Variants in IPCEF1 observed in about 807,000 individuals in gnomAD.
The protein encoded by IPCEF1 is interactor protein for cytohesin exchange factors 1.
Under a neutral mutation model 50.9 loss-of-function variants are expected in IPCEF1, and 31 were observed. The ratio of observed to expected loss-of-function variants is 0.61; its 90% CI spans 0.46 to 0.82. IPCEF1 has a LOEUF of 0.82. Ranked by LOEUF, IPCEF1 falls within the 40% of genes least tolerant of loss-of-function variation. The pLI is 0.00. For synonymous variants in IPCEF1, 181 were observed against 192.0 expected (o/e 0.94, Z 0.47); for missense variants, 458 against 514.0 (o/e 0.89, Z 1.05).
At chr6:154,245,794 C>T (rs944178261) in intron 5 of IPCEF1, among the ~76,000 whole-genome samples, 23 of 152,168 alleles carry the variant, frequency 1.5e-4, no homozygotes, top group Admixed American at 1.3e-3. Context: ...GAGCATTCCT[C>T]CTTGGAAACG....
chr6:154,313,340 A>G (rs1783132521), intron 1 of IPCEF1, among the ~76,000 whole-genome samples: 2 of 151,576 alleles, frequency 1.3e-5, no homozygotes, highest in Admixed American at 1.3e-4. Flanking sequence ...GCGCCACTCC[A>G]CTCCATCTTG....
At chr6:154,201,535 G>A (rs899216050) in intron 9 of IPCEF1, among the ~76,000 whole-genome samples, 1 of 152,166 alleles carries the variant, frequency 6.6e-6, no homozygotes, top group Non-Finnish European at 1.5e-5. Flanking sequence ...AGGTAGAGAA[G>A]GCATTTTATG....
intron 7 of IPCEF1, among the ~76,000 whole-genome samples, chr6:154,218,235 A>G (rs1419482477): frequency 6.6e-6 from 1 of 152,136 alleles, no homozygotes; most frequent in Non-Finnish European, 1.5e-5. Context: ...TGTGTGTTGG[A>G]GGAGAACAAG....
At chr6:154,171,070 T>C (rs1298727698) in intron 10 of IPCEF1, among the ~76,000 whole-genome samples, 1 of 152,130 alleles carries the variant, frequency 6.6e-6, no homozygotes, top group African/African-American at 2.4e-5. Context: ...AGTTTGTCCA[T>C]TTCTCATGGA....
At chr6:154,187,846 A>G (rs994521076) in intron 10 of IPCEF1, among the ~76,000 whole-genome samples, 2 of 152,218 alleles carry the variant, frequency 1.3e-5, no homozygotes, top group African/African-American at 4.8e-5. Flanking sequence ...CTTCTTCCAT[A>G]AAACAGAGGT....
At chr6:154,205,662 C>A (rs1777433456) in intron 9 of IPCEF1, among the ~76,000 whole-genome samples, 1 of 152,084 alleles carries the variant, frequency 6.6e-6, no homozygotes, top group Non-Finnish European at 1.5e-5. Context: ...AATTAGTTAC[C>A]TAACTAGTTA....
intron 5 of IPCEF1, among the ~76,000 whole-genome samples, chr6:154,243,279 C>G (rs922916868): frequency 6.6e-6 from 1 of 152,146 alleles, no homozygotes. Context: ...GATTTTAAAT[C>G]CAAGATTTTA....
chr6:154,194,315 C>A (rs933214160), intron 10 of IPCEF1, among the ~76,000 whole-genome samples: 1 of 152,214 alleles, frequency 6.6e-6, no homozygotes, highest in African/African-American at 2.4e-5. Context: ...AGGAGAATCA[C>A]TTGAACGCAG....
At chr6:154,344,175 A>G (rs1783979371) in intron 1 of IPCEF1, among the ~76,000 whole-genome samples, 1 of 151,974 alleles carries the variant, frequency 6.6e-6, no homozygotes. Context: ...TGTACAGGGG[A>G]ACTGCTTCTT....
chr6:154,246,534 C>A (rs1562564882), intron 5 of IPCEF1, 57 bp downstream of exon 5: 4 of 1,533,552 alleles, frequency 2.6e-6, no homozygotes, highest in Non-Finnish European at 3.5e-6. Flanking sequence ...TCACCTGATG[C>A]CTTTAACGTA....
intron 2 of IPCEF1, among the ~76,000 whole-genome samples, chr6:154,276,604 C>T (rs1782069595): frequency 6.6e-6 from 1 of 152,222 alleles, no homozygotes; most frequent in African/African-American, 2.4e-5. Flanking sequence ...AACTAGTTTA[C>T]ATAGCTAGCA....
intron 1 of IPCEF1, among the ~76,000 whole-genome samples, chr6:154,339,605 T>TTGTC (rs916739309): frequency 7.9e-4 from 120 of 151,438 alleles, no homozygotes; most frequent in African/African-American, 2.8e-3. Flanking sequence ...GTTTGTTTGT[T>TTGTC]TTTTGAGAGG....
chr6:154,194,127 C>T (rs374237656), intron 10 of IPCEF1, among the ~76,000 whole-genome samples: 5 of 152,200 alleles, frequency 3.3e-5, no homozygotes, highest in African/African-American at 7.2e-5. Flanking sequence ...TCTAAAATCA[C>T]GGTGGCTCAT....
At chr6:154,307,735 A>G (rs56145815) in intron 1 of IPCEF1, among the ~76,000 whole-genome samples, 10,742 of 152,314 alleles carry the variant, frequency 0.071, 555 homozygotes, top group African/African-American at 0.14. Context: ...TTTAATGTGA[A>G]AAGCATCTAG....
intron 1 of IPCEF1, among the ~76,000 whole-genome samples, chr6:154,310,206 C>T (rs1783045731): frequency 6.6e-6 from 1 of 152,122 alleles, no homozygotes; most frequent in African/African-American, 2.4e-5. Context: ...TCAAGATGCC[C>T]ACATCAAAAC....
At chr6:154,334,394 A>G (rs1783744663) in intron 1 of IPCEF1, among the ~76,000 whole-genome samples, 1 of 152,146 alleles carries the variant, frequency 6.6e-6, no homozygotes, top group Non-Finnish European at 1.5e-5. Context: ...CAGTACATGA[A>G]GTCAAAATTT....
chr6:154,277,857 A>C (rs373404612), intron 2 of IPCEF1, among the ~76,000 whole-genome samples: 1 of 152,130 alleles, frequency 6.6e-6, no homozygotes, highest in East Asian at 1.9e-4. Context: ...AGGTAAAGCC[A>C]GACTTTTTTT....
At chr6:154,304,698 C>T (rs1314428966) in intron 1 of IPCEF1, among the ~76,000 whole-genome samples, 1 of 152,180 alleles carries the variant, frequency 6.6e-6, no homozygotes, top group African/African-American at 2.4e-5. Context: ...TGAAGGCTCT[C>T]TGCTGACCTA....
chr6:154,281,958 G>A (rs187630070), intron 2 of IPCEF1, among the ~76,000 whole-genome samples: 23 of 152,052 alleles, frequency 1.5e-4, no homozygotes, highest in Non-Finnish European at 8.8e-5. Flanking sequence ...GAGCCAAGAT[G>A]GCACCATTGC....
Sources: allele counts gnomAD v4.1 joint callset (sites outside exome capture counted in the v4.1 genomes callset), GRCh38; gene constraint gnomAD v4.1.1; transcripts MANE v1.5; gene names NCBI Gene and HGNC (gene_info 2026-07-23, HGNC 2026-07-21).